QRICH2: variants seen among roughly 807,000 people sequenced by gnomAD.
The protein encoded by QRICH2 is glutamine-rich protein 2.
In QRICH2, 119 loss-of-function variants were observed where a neutral mutation model predicts 168.3. That is an observed-to-expected ratio of 0.71 (90% CI 0.61 to 0.82). The LOEUF is 0.82. Among genes scored for constraint, QRICH2 ranks in the 40% least tolerant of loss-of-function variants. The pLI, the probability that QRICH2 is intolerant of heterozygous loss-of-function variation, is 0.00. For missense variants in QRICH2, 2,241 were observed against 2,491.6 expected, an observed-to-expected ratio of 0.90 and a Z score of 2.14; for synonymous variants, 894 against 951.2, an observed-to-expected ratio of 0.94 and a Z score of 1.11.
intron 3 of QRICH2, among the ~76,000 whole-genome samples, chr17:76,302,600 A>G (rs192255104): frequency 1.3e-5 from 2 of 152,276 alleles, no homozygotes; most frequent in East Asian, 3.9e-4. Context: ...GGCCAGAACC[A>G]GGGGCTGCCA....
intron 7 of QRICH2, among the ~76,000 whole-genome samples, chr17:76,285,520 G>A (rs551074719): frequency 7.9e-5 from 12 of 151,736 alleles, no homozygotes; most frequent in South Asian, 2.1e-4. Flanking sequence ...TACCTGCGTC[G>A]TCCTCCCAAA....
At position 76,295,173 on chromosome 17, in the gene QRICH2, C is replaced by T. The variant is rs375921077; in HGVS notation, c.706-1152G>A. 1.1e-4 allele frequency among the ~76,000 whole-genome samples: 16 copies of T among 152,042 alleles called. 1 individual carries two copies. Among genetic ancestry groups the T allele is most frequent in the Admixed American group, 9.8e-4 (15 of 15,248 alleles). ...ACTTGGGAGGACAAGTCATGAGAAT[C>T]GCCTGAACCCAGGAGGCAGAGGTTA... On this transcript the variant is annotated intron_variant, in intron 3 of 18. Coordinates refer to ENST00000680821, the MANE Select transcript of QRICH2 (RefSeq NM_001388453.1).
intron 5 of QRICH2, among the ~76,000 whole-genome samples, chr17:76,289,322 G>C (rs887421100): frequency 2.6e-5 from 4 of 151,998 alleles, no homozygotes; most frequent in Non-Finnish European, 5.9e-5. Flanking sequence ...AAGTAGCTGA[G>C]ACTACAGGCA....
At position 76,292,154 on chromosome 17, in the gene QRICH2, T is replaced by C. The variant is rs1284646470; in HGVS notation, c.2573A>G (p.Gln858Arg). ...QHGLVQPGAD[Q>R]RGLVQPGVDQ... ...CACTCCAGGTTGGACCAAACCACGCTGATCTGCACCAGGTTGGACCAAACC... is the reference window on the plus strand; with the variant it reads ...CACTCCAGGTTGGACCAAACCACGCCGATCTGCACCAGGTTGGACCAAACC... The change falls in exon 4 of 19, where the codon CAG becomes CGG. Residue 858 changes from glutamine to arginine, a missense_variant. Around this residue, in one of 3 missense-constraint regions of QRICH2, gnomAD observed 2,047 missense variants for 2,303.8 expected, o/e 0.89. Transcript: ENST00000680821. The C allele has an allele frequency of 7.9e-6, 12 of 1,521,166 alleles. No individual in the cohort carries two copies. In the African/African-American group the frequency reaches 1.7e-4, roughly 22 times the overall value. 94.2% of individuals were successfully genotyped at this position (1,521,166 alleles called of 1,614,324 possible). A position where few individuals can be genotyped will look rare whatever the true frequency, so the allele number is the denominator to read the frequency against.
At position 76,280,446 on chromosome 17, in the gene QRICH2, G is replaced by A. The variant is rs373111630; in HGVS notation, c.4467C>T (p.Ala1489=). Residue 1489 remains alanine (A), a synonymous_variant, in exon 11 of 19, where the codon GCC becomes GCT. Coordinates refer to ENST00000680821, the MANE Select transcript of QRICH2 (RefSeq NM_001388453.1). The surrounding 1 kb of genome is among the most constrained non-coding windows in gnomAD (Gnocchi z 7.4). ...EHLEMEIDVK[A]DKSALATKVS... is the part of the protein sequence containing the mutation. ...CTTTGGTGGCCAGAGCACTCTTGTC[G>A]GCTTTCTGCCCAGAGACAGACAGAG... 4.5e-5 allele frequency: 72 copies of A among 1,613,572 alleles called. No homozygotes were observed. Among genetic ancestry groups the A allele is most frequent in the Non-Finnish European group, 5.6e-5 (66 of 1,179,844 alleles).
In QRICH2 at chr17:76,307,231, G is replaced by T. The variant is rs557996329; in HGVS notation, c.534+234C>A. 7.9e-5 allele frequency among the ~76,000 whole-genome samples: 12 copies of T among 152,262 alleles called. No individual in the cohort carries two copies. Among genetic ancestry groups the T allele is most frequent in the Middle Eastern group, 3.4e-3 (1 of 294 alleles). The stretch of plus-strand genomic sequence containing the variant: ...GCCCCTCCAGCTCGGGGAGGCCCTA[G>T]GCCTTTTGGTGGCGTTCTTTTAGGA... On this transcript the variant is annotated intron_variant, in intron 1 of 18. Transcript: ENST00000680821. The surrounding 1 kb of genome is among the most constrained non-coding windows in gnomAD (Gnocchi z 5.3).
chr17:76,297,277 C>T (rs532315064), intron 3 of QRICH2, among the ~76,000 whole-genome samples: 113 of 152,250 alleles, frequency 7.4e-4, no homozygotes, highest in Middle Eastern at 3.4e-3. Flanking sequence ...GAGGCCAACG[C>T]GGGAGGATCA....
At chr17:76,284,034 G>A (rs1407227130) in intron 7 of QRICH2, among the ~76,000 whole-genome samples, 5 of 140,524 alleles carry the variant, frequency 3.6e-5, no homozygotes, top group East Asian at 2.0e-4. Flanking sequence ...CAGGCATGGC[G>A]GTGTGCACCT....
chr17:76,280,731 G>T lies in QRICH2; in HGVS notation c.4387-3C>A. 1 of 1,614,140 alleles carries T rather than the reference G, an allele frequency of 6.2e-7. No individual in the cohort carries two copies. The highest frequency in any genetic ancestry group is 8.5e-7 in the Non-Finnish European group (1 of 1,180,024). ...TTCTCCAGACCCTGGTACAGCATCT[G>T]GGGAGGCCAAGTGAACAGAGAAAAA... On this transcript the variant is annotated splice_region_variant and splice_polypyrimidine_tract_variant and intron_variant, in intron 9 of 18. Transcript: ENST00000680821. This position sits in a 1 kb window ranked among gnomAD's most constrained non-coding sequence, Gnocchi z 7.4.
chr17:76,306,616 T>C (rs2070994960), intron 1 of QRICH2, among the ~76,000 whole-genome samples: 1 of 152,184 alleles, frequency 6.6e-6, no homozygotes, highest in Non-Finnish European at 1.5e-5. Flanking sequence ...CAGGGCTCAG[T>C]GGCTCACGCC....
chr17:76,282,162 G>C (rs187770997), intron 7 of QRICH2, 47 bp from the exon 8 acceptor site: 1 of 1,557,066 alleles, frequency 6.4e-7, no homozygotes, highest in East Asian at 2.3e-5. Flanking sequence ...GGCCAGTCAC[G>C]GCCACGCTCT....
At chr17:76,296,653 T>C (rs111562938) in intron 3 of QRICH2, among the ~76,000 whole-genome samples, 3,803 of 151,540 alleles carry the variant, frequency 0.025, 166 homozygotes, top group African/African-American at 0.085. Context: ...TGGCACATGC[T>C]TGTAGTCGCA....
chr17:76,303,227 G>T (rs537327024), intron 3 of QRICH2, among the ~76,000 whole-genome samples: 1 of 152,186 alleles, frequency 6.6e-6, no homozygotes, highest in East Asian at 1.9e-4. Flanking sequence ...CTGAGAATGA[G>T]CCCTGAAATC....
At chr17:76,304,623 A>G in intron 2 of QRICH2, 98 bp from the exon 3 acceptor site, 1 of 848,796 alleles carries the variant, frequency 1.2e-6, no homozygotes. Flanking sequence ...TGGGTCCTTC[A>G]CAGCCCCAGC....
Position 76,292,356 on chromosome 17 carries a change from AACTACGCTGAACTTCACCAGGTTGTG to A in QRICH2, c.2345_2370del (p.Ala782ValfsTer160). 1 of 1,549,116 alleles carries A rather than the reference AACTACGCTGAACTTCACCAGGTTGTG, an allele frequency of 6.5e-7. No homozygotes were observed. Among genetic ancestry groups the A allele is most frequent in the East Asian group, 2.8e-5 (1 of 35,980 alleles). ...CGCTGAACTATACCAGGTTGCACCA[AACTACGCTGAACTTCACCAGGTTGTG>A]CCAAACCATGCTGATCCACTCCAGG... On this transcript the variant is annotated frameshift_variant, in exon 4 of 19. Coordinates refer to ENST00000680821, the MANE Select transcript of QRICH2 (RefSeq NM_001388453.1). LOFTEE classifies it high-confidence loss of function.
intron 18 of QRICH2, among the ~76,000 whole-genome samples, chr17:76,275,025 G>A (rs183517280): frequency 1.8e-4 from 27 of 152,224 alleles, no homozygotes; most frequent in African/African-American, 4.3e-4. Flanking sequence ...CCTCAGCGCC[G>A]GGTCCTCACT....
At chr17:76,284,812 G>A (rs1383880520) in intron 7 of QRICH2, among the ~76,000 whole-genome samples, 3 of 149,402 alleles carry the variant, frequency 2.0e-5, no homozygotes, top group Non-Finnish European at 4.4e-5. Flanking sequence ...GTGAGACTCC[G>A]TCTCAAAGAA....
In QRICH2 at chr17:76,285,452, G is replaced by A. The variant is rs933427196; in HGVS notation, c.4011+1740C>T. ...TGGCCTATTTTCTGTATTTTTAGTA[G>A]AGATGGGGTTTCATCATGTTGGCCA... is the stretch of plus-strand genomic sequence containing the variant. On this transcript the variant is annotated intron_variant, in intron 7 of 18. Coordinates refer to ENST00000680821, the MANE Select transcript of QRICH2 (RefSeq NM_001388453.1). 5.9e-5 allele frequency among the ~76,000 whole-genome samples: 9 copies of A among 151,552 alleles called. No individual in the cohort carries two copies. In the East Asian group the frequency reaches 1.6e-3, roughly 27 times the overall value.
At chr17:76,290,967 C>A in intron 4 of QRICH2, 48 bp downstream of exon 4, 1 of 1,582,662 alleles carries the variant, frequency 6.3e-7, no homozygotes. Context: ...ATGAAACCAA[C>A]TGAAAACAGA....
Sources: gnomAD v4.1 joint callset for allele counts (sites outside exome capture counted in the v4.1 genomes callset) on GRCh38, gnomAD v4.1.1 for gene constraint, gnomAD v4.1.1 regional missense constraint, Gnocchi (gnomAD v3.1) non-coding constraint, MANE v1.5 for transcripts, NCBI Gene and HGNC (gene_info 2026-07-23, HGNC 2026-07-21) for gene names.